The following CTNND2 variants were observed in gnomAD, a reference collection of about 807,000 sequenced individuals.
CTNND2 encodes catenin delta 2, also known as catenin delta-2.
Under a neutral mutation model 144.4 loss-of-function variants are expected in CTNND2, and 22 were observed. The observed-to-expected ratio is 0.15, with a 90% confidence interval of 0.11 to 0.22. CTNND2 has a LOEUF of 0.22. Among genes scored for constraint, CTNND2 ranks in the 10% least tolerant of loss-of-function variants. CTNND2 has a pLI of 1.00. For synonymous variants in CTNND2, 751 were observed against 695.6 expected, an observed-to-expected ratio of 1.08 and a Z score of -1.25; for missense variants, 1,353 against 1,618.8, an observed-to-expected ratio of 0.84 and a Z score of 2.82.
intron 1 of CTNND2, among the ~76,000 whole-genome samples, chr5:11,857,871 A>T (rs1795325140): frequency 6.6e-6 from 1 of 152,242 alleles, no homozygotes; most frequent in Admixed American, 6.5e-5. Context: ...CGAACCTTCC[A>T]GCCAGGATCC....
chr5:11,640,661 A>G lies in CTNND2; in HGVS notation c.175-75605T>C, dbSNP rs375360106. 5.3e-5 allele frequency among the ~76,000 whole-genome samples: 8 copies of G among 152,310 alleles called. No individual in the cohort carries two copies. In the East Asian group the frequency reaches 1.3e-3, roughly 26 times the overall value. ...CAAGGGAAGGCCTGCATTTTCCTCA[A>G]CAAGCACTTGAGTGGAATGTGGCAT... On this transcript the variant is annotated intron_variant, in intron 2 of 21. Transcript: ENST00000304623.
chr5:11,679,315 G>A (rs562885480), intron 2 of CTNND2, among the ~76,000 whole-genome samples: 50 of 152,174 alleles, frequency 3.3e-4, no homozygotes, highest in Non-Finnish European at 6.6e-4. Flanking sequence ...TATTTACTGA[G>A]TACCTATATG....
At chr5:11,266,636 C>T (rs1745464354) in intron 9 of CTNND2, among the ~76,000 whole-genome samples, 3 of 152,198 alleles carry the variant, frequency 2.0e-5, no homozygotes, top group Admixed American at 1.3e-4. Context: ...CTCCCCTTTA[C>T]CTTTCATAAT....
In CTNND2 at chr5:11,819,430, AAGAC is replaced by A. The variant is rs57457496; in HGVS notation, c.37+84383_37+84386del. Reference sequence around the variant, plus strand: ...AGCCTGGGTGACAGAGCAAGATTCCAAGACAGACAGACAGACAGACAGACAGACA... The same window carrying A: ...AGCCTGGGTGACAGAGCAAGATTCCAAGACAGACAGACAGACAGACAGACA... On this transcript the variant is annotated intron_variant, in intron 1 of 21. Transcript: ENST00000304623. Among the ~76,000 whole-genome samples, 892 of 151,774 alleles carry A rather than the reference AAGAC, an allele frequency of 5.9e-3. 18 individuals are homozygous for A. In the East Asian group the frequency reaches 0.067, roughly 11 times the overall value.
chr5:11,153,589 G>A (rs1264430793), intron 12 of CTNND2, among the ~76,000 whole-genome samples: 5 of 152,114 alleles, frequency 3.3e-5, no homozygotes, highest in Non-Finnish European at 7.3e-5. Flanking sequence ...AGGCACCGTG[G>A]GACCAAGCAC....
intron 2 of CTNND2, among the ~76,000 whole-genome samples, chr5:11,583,205 T>C (rs1168903926): frequency 6.6e-6 from 1 of 152,220 alleles, no homozygotes; most frequent in East Asian, 1.9e-4. Context: ...CTGGGAATTC[T>C]GACACCAGTA....
intron 9 of CTNND2, among the ~76,000 whole-genome samples, chr5:11,326,442 A>T (rs1487115864): frequency 1.3e-5 from 2 of 152,150 alleles, no homozygotes; most frequent in Non-Finnish European, 2.9e-5. Flanking sequence ...ACATTGGCCA[A>T]GTGAGTGTCT....
In CTNND2 at chr5:11,398,268, AT is replaced by A. The variant is rs778876921; in HGVS notation, c.440-1066del. ...GTTTTAGACAATAATATCACTTCTGATAAGTATGAGCAAATTTCAAGTTCCT... is the reference window on the plus strand; with the variant it reads ...GTTTTAGACAATAATATCACTTCTGAAAGTATGAGCAAATTTCAAGTTCCT... On this transcript the variant is annotated intron_variant, in intron 5 of 21. Transcript: ENST00000304623. Among the ~76,000 whole-genome samples, 172 of 152,344 alleles carry A rather than the reference AT, an allele frequency of 1.1e-3. 1 individual carries two copies. Among genetic ancestry groups the A allele is most frequent in the Non-Finnish European group, 1.1e-3 (74 of 68,028 alleles).
At chr5:11,638,431 G>T (rs1399274317) in intron 2 of CTNND2, among the ~76,000 whole-genome samples, 2 of 152,188 alleles carry the variant, frequency 1.3e-5, no homozygotes, top group Non-Finnish European at 2.9e-5. Flanking sequence ...TAGATGAGAT[G>T]TCTTAATTCT....
chr5:11,762,668 C>A lies in CTNND2; in HGVS notation c.38-30396G>T, dbSNP rs559058398. ...TTTGTAATGACCTTCTGAGTTTAACCCAGGCCTTCACGAATAATAAGTTTA... is the reference window on the plus strand; with the variant it reads ...TTTGTAATGACCTTCTGAGTTTAACACAGGCCTTCACGAATAATAAGTTTA... On this transcript the variant is annotated intron_variant, in intron 1 of 21. Transcript: ENST00000304623. Among the ~76,000 whole-genome samples the A allele has an allele frequency of 4.6e-5, 7 of 152,230 alleles. No individual in the cohort carries two copies. The East Asian group carries it at 1.4e-3, about 29-fold the overall frequency.
At chr5:11,352,300 T>C (rs1196791327) in intron 8 of CTNND2, among the ~76,000 whole-genome samples, 1 of 152,146 alleles carries the variant, frequency 6.6e-6, no homozygotes, top group Non-Finnish European at 1.5e-5. Flanking sequence ...TGTGGGATCA[T>C]GTGTATGAAT....
chr5:11,270,882 G>C (rs1306141183), intron 9 of CTNND2, among the ~76,000 whole-genome samples: 1 of 152,108 alleles, frequency 6.6e-6, no homozygotes, highest in African/African-American at 2.4e-5. Context: ...AACCAAACAT[G>C]AAAGTATTTA....
rs141494447 is a variant in CTNND2 at position 11,414,164 on chromosome 5, G to A, written c.288-2095C>T. 2.1e-3 allele frequency among the ~76,000 whole-genome samples: 325 copies of A among 152,242 alleles called. 2 individuals carry two copies. The highest frequency in any genetic ancestry group is 7.5e-3 in the African/African-American group (313 of 41,542). Reference sequence around the variant, plus strand: ...GTGATGCAGGCACAAGTCAAGGAATGCGTGAAGTCATCAGAACCTGAAAGA... The same window carrying A: ...GTGATGCAGGCACAAGTCAAGGAATACGTGAAGTCATCAGAACCTGAAAGA... On this transcript the variant is annotated intron_variant, in intron 3 of 21. Coordinates refer to ENST00000304623, the MANE Select transcript of CTNND2 (RefSeq NM_001332.4).
At chr5:11,245,125 A>G (rs1201453230) in intron 9 of CTNND2, among the ~76,000 whole-genome samples, 1 of 152,206 alleles carries the variant, frequency 6.6e-6, no homozygotes, top group East Asian at 1.9e-4. Context: ...CAGGAGAGAA[A>G]TGAACAAAGG....
chr5:11,893,771 T>G (rs1375051063), intron 1 of CTNND2, among the ~76,000 whole-genome samples: 1 of 152,172 alleles, frequency 6.6e-6, no homozygotes, highest in Non-Finnish European at 1.5e-5. Context: ...ATGGATCCCC[T>G]CAACTGCTGC....
intron 3 of CTNND2, among the ~76,000 whole-genome samples, chr5:11,493,507 G>A (rs549123614): frequency 6.6e-6 from 1 of 152,330 alleles, no homozygotes; most frequent in East Asian, 1.9e-4. Flanking sequence ...ATGTTTAAAT[G>A]TATTGTAATC....
chr5:11,720,423 C>T (rs184248925), intron 2 of CTNND2, among the ~76,000 whole-genome samples: 3 of 152,152 alleles, frequency 2.0e-5, no homozygotes, highest in Admixed American at 1.3e-4. Flanking sequence ...CCTGCCTCTC[C>T]TAAATTTTGA....
intron 9 of CTNND2, among the ~76,000 whole-genome samples, chr5:11,247,182 A>C (rs906064282): frequency 6.6e-6 from 1 of 152,102 alleles, no homozygotes; most frequent in African/African-American, 2.4e-5. Context: ...TTAAGAACAG[A>C]TTCTGAGGGG....
intron 9 of CTNND2, among the ~76,000 whole-genome samples, chr5:11,318,068 A>T (rs955179098): frequency 6.6e-6 from 1 of 152,184 alleles, no homozygotes; most frequent in Non-Finnish European, 1.5e-5. Context: ...GGGAACCCTC[A>T]GTCCCTCTGG....
Sources: gnomAD v4.1 joint callset for allele counts (sites outside exome capture counted in the v4.1 genomes callset) on GRCh38, gnomAD v4.1.1 for gene constraint, MANE v1.5 for transcripts, NCBI Gene and HGNC (gene_info 2026-07-23, HGNC 2026-07-21) for gene names.